GPC5: variants seen among roughly 807,000 people sequenced by gnomAD.
The protein encoded by GPC5 is glypican 5.
In GPC5, 47 loss-of-function variants were observed where a neutral mutation model predicts 53.9. The ratio of observed to expected loss-of-function variants is 0.87; its 90% confidence interval spans 0.69 to 1.11. The LOEUF is 1.11. Among genes scored for constraint, GPC5 ranks in the 50% most tolerant of loss-of-function variants. The pLI is 0.00. For missense variants in GPC5, 748 were observed against 713.1 expected, an observed-to-expected ratio of 1.05 and a Z score of -0.56; for synonymous variants, 286 against 263.3, an observed-to-expected ratio of 1.09 and a Z score of -0.84.
chr13:92,358,954 T>C (rs1372891749), intron 7 of GPC5, among the ~76,000 whole-genome samples: 9 of 151,930 alleles, frequency 5.9e-5, no homozygotes, highest in Middle Eastern at 3.4e-3. Context: ...TCTTTACTTA[T>C]GCAAATTTCT....
chr13:91,434,146 T>G (rs1221544082), intron 1 of GPC5, among the ~76,000 whole-genome samples: 1 of 152,220 alleles, frequency 6.6e-6, no homozygotes, highest in Non-Finnish European at 1.5e-5. Flanking sequence ...TCCCATTCTG[T>G]AGGTTGCCTG....
At chr13:92,312,355 A>G (rs1178204693) in intron 7 of GPC5, among the ~76,000 whole-genome samples, 1 of 152,158 alleles carries the variant, frequency 6.6e-6, no homozygotes, top group African/African-American at 2.4e-5. Flanking sequence ...AAGTTATAAG[A>G]GAGTGTATCA....
At chr13:92,796,768 A>AT (rs1299649220) in intron 7 of GPC5, among the ~76,000 whole-genome samples, 2 of 151,696 alleles carry the variant, frequency 1.3e-5, no homozygotes, top group South Asian at 2.1e-4. Flanking sequence ...AATTATTTGT[A>AT]TTTTTTTATT....
At chr13:92,109,882 T>C (rs548428330) in intron 6 of GPC5, among the ~76,000 whole-genome samples, 1 of 152,322 alleles carries the variant, frequency 6.6e-6, no homozygotes, top group East Asian at 1.9e-4. Flanking sequence ...TATACTATGT[T>C]GTATATTATG....
chr13:91,807,059 A>G (rs1681970474), intron 5 of GPC5, among the ~76,000 whole-genome samples: 1 of 152,098 alleles, frequency 6.6e-6, no homozygotes, highest in Non-Finnish European at 1.5e-5. Flanking sequence ...TGCTTCCCAC[A>G]CCAACTAATA....
chr13:91,884,317 C>T (rs888103885), intron 5 of GPC5, among the ~76,000 whole-genome samples: 1 of 152,150 alleles, frequency 6.6e-6, no homozygotes, highest in African/African-American at 2.4e-5. Flanking sequence ...TATTGCAGCA[C>T]TATTCACAGT....
intron 2 of GPC5, among the ~76,000 whole-genome samples, chr13:91,556,710 A>G (rs2030975834): frequency 6.6e-6 from 1 of 152,016 alleles, no homozygotes; most frequent in African/African-American, 2.4e-5. Flanking sequence ...TAACTGAAGT[A>G]ACTCAGGAGT....
chr13:92,216,450 G>A (rs1032290307), intron 7 of GPC5, among the ~76,000 whole-genome samples: 20 of 152,126 alleles, frequency 1.3e-4, no homozygotes, highest in East Asian at 3.9e-4. Context: ...TTGTCAACAC[G>A]CAGCAGGCAG....
intron 7 of GPC5, among the ~76,000 whole-genome samples, chr13:92,664,860 T>TA (rs1255216409): frequency 1.3e-5 from 2 of 152,106 alleles, no homozygotes; most frequent in African/African-American, 2.4e-5. Context: ...TGACTAGATA[T>TA]AAAAATACTT....
chr13:92,457,964 C>T (rs779444383), intron 7 of GPC5, among the ~76,000 whole-genome samples: 2 of 152,026 alleles, frequency 1.3e-5, no homozygotes, highest in South Asian at 2.1e-4. Context: ...TGTATTGTCC[C>T]GGCATGCTGT....
intron 7 of GPC5, among the ~76,000 whole-genome samples, chr13:92,825,719 A>G (rs1451054346): frequency 6.6e-6 from 1 of 152,080 alleles, no homozygotes; most frequent in African/African-American, 2.4e-5. Context: ...TCTCCTCACT[A>G]TACTATGTTT....
chr13:92,283,104 A>G (rs1227421949), intron 7 of GPC5, among the ~76,000 whole-genome samples: 2 of 152,210 alleles, frequency 1.3e-5, no homozygotes, highest in African/African-American at 4.8e-5. Flanking sequence ...GGTCTCTGAT[A>G]AAACAGACTT....
intron 6 of GPC5, among the ~76,000 whole-genome samples, chr13:92,129,722 G>T (rs1348115477): frequency 6.6e-6 from 1 of 152,152 alleles, no homozygotes; most frequent in African/African-American, 2.4e-5. Context: ...TTTTGAATAA[G>T]TGTGGTAAAA....
chr13:92,255,413 C>A (rs1352475699), intron 7 of GPC5, among the ~76,000 whole-genome samples: 2 of 152,042 alleles, frequency 1.3e-5, no homozygotes, highest in Non-Finnish European at 2.9e-5. Flanking sequence ...GAACATCTAA[C>A]CTAAAAATAT....
chr13:92,561,685 A>T (rs559819050), intron 7 of GPC5, among the ~76,000 whole-genome samples: 1 of 152,124 alleles, frequency 6.6e-6, no homozygotes, highest in South Asian at 2.1e-4. Context: ...TCTCTCTACA[A>T]CTGATTTAGT....
At chr13:91,402,150 G>T (rs1055995357) in intron 1 of GPC5, among the ~76,000 whole-genome samples, 1 of 152,104 alleles carries the variant, frequency 6.6e-6, no homozygotes, top group Non-Finnish European at 1.5e-5. Context: ...GAAAGGGGAA[G>T]TTCATAAAAA....
chr13:92,801,975 A>C, intron 7 of GPC5, among the ~76,000 whole-genome samples: 1 of 151,786 alleles, frequency 6.6e-6, no homozygotes, highest in East Asian at 1.9e-4. Flanking sequence ...TATTTTTATA[A>C]ATTTAGTTTA....
At chr13:92,041,359 T>A (rs2040940163) in intron 6 of GPC5, among the ~76,000 whole-genome samples, 1 of 152,158 alleles carries the variant, frequency 6.6e-6, no homozygotes, top group Admixed American at 6.5e-5. Flanking sequence ...CGTACTAGTC[T>A]AAACCACATC....
At chr13:91,564,664 T>C (rs1424980117) in intron 2 of GPC5, among the ~76,000 whole-genome samples, 3 of 152,176 alleles carry the variant, frequency 2.0e-5, no homozygotes, top group African/African-American at 4.8e-5. Context: ...CTTAATGGAA[T>C]AGCAAATTTG....
Sources: allele counts gnomAD v4.1 joint callset (sites outside exome capture counted in the v4.1 genomes callset), GRCh38; gene constraint gnomAD v4.1.1; transcripts MANE v1.5; gene names NCBI Gene and HGNC (gene_info 2026-07-23, HGNC 2026-07-21).